Variants in GCNT2 observed in about 807,000 individuals in gnomAD.
GCNT2 encodes the protein N-acetyllactosaminide beta-1,6-N-acetylglucosaminyl-transferase.
Under a neutral mutation model 34.2 loss-of-function variants are expected in GCNT2, and 34 were observed. The observed-to-expected ratio is 1.00, with a 90% confidence interval of 0.76 to 1.32. GCNT2 has a LOEUF of 1.32. Among genes scored for constraint, GCNT2 ranks in the 40% most tolerant of loss-of-function variants. The pLI, the probability that GCNT2 is intolerant of heterozygous loss-of-function variation, is 0.00. For synonymous variants in GCNT2, 212 were observed against 188.0 expected (o/e 1.13, Z -1.04); for missense variants, 584 against 489.4 (o/e 1.19, Z -1.82).
chr6:10,608,547 G>A lies in GCNT2; in HGVS notation c.926-12804G>A, dbSNP rs535690535. 6.6e-5 allele frequency among the ~76,000 whole-genome samples: 10 copies of A among 152,266 alleles called. No homozygotes were observed. The South Asian group carries it at 1.9e-3, about 28-fold the overall frequency. Reference sequence around the variant, plus strand: ...TGCGAGCTTGATAAGTATAAAAAGAGGAATTACTAGGTGCAGTGGTACATG... The same window carrying A: ...TGCGAGCTTGATAAGTATAAAAAGAAGAATTACTAGGTGCAGTGGTACATG... On this transcript the variant is annotated intron_variant, in intron 3 of 4. Transcript: ENST00000495262.
chr6:10,553,148 G>C (rs1029386466), intron 3 of GCNT2, among the ~76,000 whole-genome samples: 1 of 152,212 alleles, frequency 6.6e-6, no homozygotes, highest in Non-Finnish European at 1.5e-5. Context: ...ACAATTATGA[G>C]GGTGTAATGA....
At chr6:10,615,702 C>T (rs937310634) in intron 3 of GCNT2, among the ~76,000 whole-genome samples, 11 of 117,100 alleles carry the variant, frequency 9.4e-5, no homozygotes, top group South Asian at 2.4e-4. Context: ...AATGGCCACT[C>T]CATAGACAGA....
intron 3 of GCNT2, among the ~76,000 whole-genome samples, chr6:10,599,995 T>G (rs1290792028): frequency 1.3e-5 from 2 of 152,148 alleles, no homozygotes; most frequent in Non-Finnish European, 2.9e-5. Context: ...GAAGGGATAC[T>G]CTCATCATTT....
intron 3 of GCNT2, among the ~76,000 whole-genome samples, chr6:10,542,893 CTTTTTTTT>C (rs869251646): frequency 1.2e-5 from 1 of 82,260 alleles, no homozygotes; most frequent in Non-Finnish European, 2.3e-5. Context: ...TATGTTAATT[CTTTTTTTT>C]TTTTTTTTTT....
chr6:10,592,731 T>C, intron 3 of GCNT2, among the ~76,000 whole-genome samples: 1 of 151,916 alleles, frequency 6.6e-6, no homozygotes, highest in East Asian at 1.9e-4. Flanking sequence ...TTATTTTTAT[T>C]TGTTTGTTTG....
intron 3 of GCNT2, among the ~76,000 whole-genome samples, chr6:10,548,191 C>T (rs1191844990): frequency 6.6e-6 from 1 of 152,184 alleles, no homozygotes; most frequent in African/African-American, 2.4e-5. Flanking sequence ...TGCCACTGCA[C>T]TCCATGCACT....
intron 3 of GCNT2, among the ~76,000 whole-genome samples, chr6:10,574,124 C>T (rs1243936947): frequency 6.6e-6 from 1 of 152,192 alleles, no homozygotes; most frequent in Non-Finnish European, 1.5e-5. Flanking sequence ...CTTAATGTCT[C>T]CATTCTGTAG....
chr6:10,619,776 A>C (rs1307187233), intron 3 of GCNT2: 1 of 152,208 alleles, frequency 6.6e-6, no homozygotes, highest in Non-Finnish European at 1.5e-5. Flanking sequence ...TGCAGGACAA[A>C]AGCCTGACCA....
chr6:10,601,989 G>A (rs752772777), intron 3 of GCNT2, among the ~76,000 whole-genome samples: 1 of 151,054 alleles, frequency 6.6e-6, no homozygotes, highest in Non-Finnish European at 1.5e-5. Flanking sequence ...CCTTGATGCC[G>A]GAAAACTGGA....
At chr6:10,543,160 G>A (rs1354695230) in intron 3 of GCNT2, among the ~76,000 whole-genome samples, 3 of 151,554 alleles carry the variant, frequency 2.0e-5, no homozygotes, top group Non-Finnish European at 4.4e-5. Context: ...CACCAGCCTC[G>A]GCCTCCCAAA....
chr6:10,563,212 T>A (rs1763088606), intron 3 of GCNT2, among the ~76,000 whole-genome samples: 1 of 152,156 alleles, frequency 6.6e-6, no homozygotes, highest in South Asian at 2.1e-4. Context: ...CAAGATTTAG[T>A]TTTATACATA....
intron 3 of GCNT2, among the ~76,000 whole-genome samples, chr6:10,530,847 GT>G (rs1274803509): frequency 2.0e-5 from 3 of 152,056 alleles, no homozygotes; most frequent in Middle Eastern, 3.2e-3. Context: ...AAGGTCAGGA[GT>G]TCGAGACCAG....
chr6:10,582,340 TAATA>T (rs1440516624), intron 3 of GCNT2, among the ~76,000 whole-genome samples: 1 of 103,114 alleles, frequency 9.7e-6, no homozygotes, highest in Non-Finnish European at 1.6e-5. Flanking sequence ...ATATACTATA[TAATA>T]TATAGTAATA....
chr6:10,593,423 A>G (rs1018775266), intron 3 of GCNT2, among the ~76,000 whole-genome samples: 1 of 152,102 alleles, frequency 6.6e-6, no homozygotes, highest in Non-Finnish European at 1.5e-5. Flanking sequence ...CTGCAGCCTC[A>G]GCCTTCTGGG....
At chr6:10,624,074 C>T (rs532222174) in intron 4 of GCNT2, among the ~76,000 whole-genome samples, 11 of 152,232 alleles carry the variant, frequency 7.2e-5, no homozygotes, top group African/African-American at 2.4e-4. Flanking sequence ...ACAAACCCAC[C>T]ATTGGGTCCT....
intron 3 of GCNT2, among the ~76,000 whole-genome samples, chr6:10,563,767 AAAAAAAAAAAATATATAT>A (rs1346611425): frequency 1.5e-5 from 1 of 68,726 alleles, no homozygotes; most frequent in African/African-American, 6.2e-5. Flanking sequence ...AAAAAAAAAA[AAAAAAAAAAAATATATAT>A]ATATATATAT....
At chr6:10,576,441 G>A (rs1224045338) in intron 3 of GCNT2, among the ~76,000 whole-genome samples, 2 of 152,160 alleles carry the variant, frequency 1.3e-5, no homozygotes, top group Non-Finnish European at 2.9e-5. Flanking sequence ...TTTGCCTCAC[G>A]TTATCTGAGG....
chr6:10,579,369 A>G (rs1763965192), intron 3 of GCNT2, among the ~76,000 whole-genome samples: 1 of 152,212 alleles, frequency 6.6e-6, no homozygotes, highest in Admixed American at 6.5e-5. Context: ...TAACATGTCT[A>G]TTAATCCATT....
intron 1 of GCNT2, among the ~76,000 whole-genome samples, chr6:10,524,833 C>T (rs1024639626): frequency 1.5e-4 from 21 of 142,678 alleles, no homozygotes; most frequent in Admixed American, 7.7e-4. Flanking sequence ...CTGTCCCCCA[C>T]CCCCCAAAAA....
Sources: allele counts gnomAD v4.1 joint callset (sites outside exome capture counted in the v4.1 genomes callset), GRCh38; gene constraint gnomAD v4.1.1; transcripts MANE v1.5; gene names NCBI Gene and HGNC (gene_info 2026-07-23, HGNC 2026-07-21).